Variants in INPP5D observed in about 807,000 individuals in gnomAD.
The protein encoded by INPP5D is phosphatidylinositol 3,4,5-trisphosphate 5-phosphatase 1.
INPP5D carries 33 observed loss-of-function variants against 122.9 expected under a neutral mutation model. The ratio of observed to expected loss-of-function variants is 0.27; its 90% CI spans 0.20 to 0.36. The LOEUF (loss-of-function observed/expected upper bound fraction) is 0.36, where lower values mean the gene tolerates loss of function less well. INPP5D is among the 10% of genes least tolerant of loss of function. The pLI, the probability that INPP5D is intolerant of heterozygous loss-of-function variation, is 1.00. For synonymous variants in INPP5D, 584 were observed against 576.2 expected, an observed-to-expected ratio of 1.01 and a Z score of -0.19; for missense variants, 1,053 against 1,412.7, an observed-to-expected ratio of 0.75 and a Z score of 4.08.
intron 4 of INPP5D, among the ~76,000 whole-genome samples, chr2:233,129,791 C>T (rs751966320): frequency 6.6e-6 from 1 of 152,090 alleles, no homozygotes; most frequent in Non-Finnish European, 1.5e-5. Flanking sequence ...TCTCTAGATC[C>T]CATCATCCTT....
intron 1 of INPP5D, among the ~76,000 whole-genome samples, chr2:233,068,903 G>A (rs1467194158): frequency 6.6e-6 from 1 of 152,164 alleles, no homozygotes; most frequent in African/African-American, 2.4e-5. Context: ...AGGGATGGGG[G>A]CACAGAGGCA....
intron 26 of INPP5D, 91 bp downstream of exon 26, chr2:233,204,808 G>T: frequency 7.1e-7 from 1 of 1,416,476 alleles, no homozygotes; most frequent in Non-Finnish European, 9.2e-7. Context: ...GTGTGTGCAT[G>T]TGTGTGTGCA....
At chr2:233,168,592 G>C (rs1185638766) in intron 13 of INPP5D, among the ~76,000 whole-genome samples, 1 of 152,204 alleles carries the variant, frequency 6.6e-6, no homozygotes, top group Non-Finnish European at 1.5e-5. Context: ...TGTTCTTTAC[G>C]AACACTGAAA....
At chr2:233,195,670 G>A (rs1473114459) in intron 24 of INPP5D, among the ~76,000 whole-genome samples, 175 bp downstream of exon 24, 1 of 151,962 alleles carries the variant, frequency 6.6e-6, no homozygotes, top group Non-Finnish European at 1.5e-5. Flanking sequence ...AACATATCGA[G>A]ACCCTGTCTC....
intron 2 of INPP5D, among the ~76,000 whole-genome samples, chr2:233,081,158 G>C (rs113578130): frequency 6.6e-6 from 1 of 152,214 alleles, no homozygotes; most frequent in Non-Finnish European, 1.5e-5. Flanking sequence ...CCTTTCCAGC[G>C]CTTGGCAGCT....
At chr2:233,133,048 G>A (rs920777425) in intron 5 of INPP5D, among the ~76,000 whole-genome samples, 3 of 151,534 alleles carry the variant, frequency 2.0e-5, no homozygotes, top group Admixed American at 6.6e-5. Flanking sequence ...TGCTTCCCCC[G>A]AGTCCAATGG....
At chr2:233,134,955 ATT>A (rs1395336449) in intron 5 of INPP5D, among the ~76,000 whole-genome samples, 1 of 135,202 alleles carries the variant, frequency 7.4e-6, no homozygotes, top group African/African-American at 2.5e-5. Flanking sequence ...GCATGAAAAG[ATT>A]AAGCAAACCT....
At position 233,184,456 on chromosome 2, in the gene INPP5D, A is replaced by G. The variant is rs115685855; in HGVS notation, c.2210A>G (p.Tyr737Cys). The G allele has an allele frequency of 2.7e-4, 437 of 1,614,028 alleles. 1 individual carries two copies. The African/African-American group carries it at 4.5e-3, about 17-fold the overall frequency. ...SQGQIEFLRC[Y>C]ATLKTKSQTK... Reference sequence around the variant, plus strand: ...GGACAGATTGAGTTTCTCAGGTGCTATGCCACATTGAAGACCAAGTCCCAG... The same window carrying G: ...GGACAGATTGAGTTTCTCAGGTGCTGTGCCACATTGAAGACCAAGTCCCAG... Residue 737 changes from tyrosine to cysteine, a missense_variant, in exon 20 of 27, where the codon TAT (tyrosine) becomes TGT (cysteine). Coordinates refer to ENST00000445964, the MANE Select transcript of INPP5D (RefSeq NM_001017915.3).
intron 2 of INPP5D, among the ~76,000 whole-genome samples, chr2:233,111,341 A>G (rs1448362831): frequency 6.6e-6 from 1 of 152,080 alleles, no homozygotes; most frequent in Admixed American, 6.5e-5. Context: ...GAAGTTATAT[A>G]TAACTTTTAT....
intron 20 of INPP5D, among the ~76,000 whole-genome samples, chr2:233,185,153 A>C (rs1694880048): frequency 6.6e-6 from 1 of 151,972 alleles, no homozygotes; most frequent in Non-Finnish European, 1.5e-5. Context: ...GATGGTCTGC[A>C]CAGTGATCGG....
At chr2:233,064,305 G>A (rs758058772) in intron 1 of INPP5D, among the ~76,000 whole-genome samples, 5 of 152,238 alleles carry the variant, frequency 3.3e-5, no homozygotes, top group Non-Finnish European at 7.3e-5. Context: ...CCCAGTGCCT[G>A]GTCTGGCCAC....
chr2:233,093,049 A>G (rs1692033612), intron 2 of INPP5D, among the ~76,000 whole-genome samples: 2 of 152,238 alleles, frequency 1.3e-5, no homozygotes, highest in South Asian at 4.1e-4. Flanking sequence ...GTCTTGAGAG[A>G]AATGGAACAA....
At chr2:233,137,729 C>T (rs1364188108) in intron 5 of INPP5D, among the ~76,000 whole-genome samples, 3 of 146,692 alleles carry the variant, frequency 2.0e-5, no homozygotes, top group South Asian at 2.2e-4. Flanking sequence ...GCTGAGATTA[C>T]AGGTGTGAGC....
intron 13 of INPP5D, among the ~76,000 whole-genome samples, chr2:233,167,146 G>C (rs1167843056): frequency 6.6e-6 from 1 of 150,380 alleles, no homozygotes; most frequent in Admixed American, 6.7e-5. Flanking sequence ...CAAGGTGGGA[G>C]GACCTCCTGA....
At chr2:233,129,697 G>C (rs1693262732) in intron 4 of INPP5D, among the ~76,000 whole-genome samples, 1 of 152,224 alleles carries the variant, frequency 6.6e-6, no homozygotes, top group Non-Finnish European at 1.5e-5. Flanking sequence ...AGCCTGAGAT[G>C]AATCCAGACT....
intron 2 of INPP5D, 39 bp downstream of exon 2, chr2:233,079,437 C>T: frequency 8.0e-7 from 1 of 1,246,534 alleles, no homozygotes; most frequent in Non-Finnish European, 1.2e-6. Flanking sequence ...AACCTGACTT[C>T]AGCCGATACT....
At chr2:233,156,788 A>G (rs1694065546) in intron 9 of INPP5D, among the ~76,000 whole-genome samples, 1 of 152,190 alleles carries the variant, frequency 6.6e-6, no homozygotes, top group Non-Finnish European at 1.5e-5. Context: ...CAAAAGGAAA[A>G]CAGGTGCTCA....
intron 1 of INPP5D, among the ~76,000 whole-genome samples, chr2:233,070,534 C>A (rs1430786820): frequency 6.6e-6 from 1 of 152,026 alleles, no homozygotes; most frequent in South Asian, 2.1e-4. Flanking sequence ...TTCTGCCTCC[C>A]CAGTTCAAGT....
At chr2:233,075,441 G>A (rs61644033) in intron 1 of INPP5D, among the ~76,000 whole-genome samples, 154 of 152,310 alleles carry the variant, frequency 1.0e-3, no homozygotes, top group African/African-American at 3.6e-3. Context: ...ATGTTCCAGG[G>A]CAGCAATTGC....
Sources: allele counts gnomAD v4.1 joint callset (sites outside exome capture counted in the v4.1 genomes callset), GRCh38; gene constraint gnomAD v4.1.1; transcripts MANE v1.5; gene names NCBI Gene and HGNC (gene_info 2026-07-23, HGNC 2026-07-21).